The following LINC02747 variants were observed in gnomAD, a reference collection of about 807,000 sequenced individuals.
LINC02747 encodes CCND1-upstream intergenic DNA repair 2.
At chr11:69,480,733 G>A (rs763004860) in intron 1 of LINC02747, among the ~76,000 whole-genome samples, 4 of 152,216 alleles carry the variant, frequency 2.6e-5, no homozygotes, top group South Asian at 2.1e-4. Context: ...GCACTGAGCC[G>A]GCACTGGGCG....
rs188379930 is a variant in LINC02747, at chr11:69,478,268, C to T, written n.121-655G>A. On this transcript the variant is annotated intron_variant and non_coding_transcript_variant, in intron 1 of 1. Transcript: ENST00000645449. ...ACAGGAGTAGGGAACAGCCCAACAA[C>T]GGAGTGGAGGCTGGAAAGTTGCTGC... is the stretch of plus-strand genomic sequence containing the variant. Among the ~76,000 whole-genome samples, 536 of 152,262 alleles carry T rather than the reference C, an allele frequency of 3.5e-3. 5 individuals are homozygous for T. Among genetic ancestry groups the T allele is most frequent in the African/African-American group, 0.012 (482 of 41,546 alleles).
At chr11:69,479,209 C>A (rs557765309) in intron 1 of LINC02747, among the ~76,000 whole-genome samples, 2 of 136,944 alleles carry the variant, frequency 1.5e-5, no homozygotes, top group Non-Finnish European at 3.0e-5. Flanking sequence ...GAGCCAAGAT[C>A]GCGCCACTGC....
chr11:69,480,928 C>T (rs1262282060), intron 1 of LINC02747, among the ~76,000 whole-genome samples: 1 of 152,168 alleles, frequency 6.6e-6, no homozygotes, highest in Non-Finnish European at 1.5e-5. Flanking sequence ...CCAAGGAACC[C>T]TTGGATCACC....
chr11:69,477,439 A>C (rs933149743), exon 2 of LINC02747: 1 of 152,310 alleles, frequency 6.6e-6, no homozygotes, highest in Non-Finnish European at 1.5e-5. Context: ...GCTTGTTCAC[A>C]TGCTCACCAC....
exon 2 of LINC02747, chr11:69,476,114 G>A (rs1292397914): frequency 3.0e-5 from 4 of 134,140 alleles, no homozygotes; most frequent in Non-Finnish European, 4.4e-5. Flanking sequence ...ATGGGGATCG[G>A]GGCCTGGGAA....
chr11:69,477,292 A>AC (rs1233759290), exon 2 of LINC02747: 1 of 152,228 alleles, frequency 6.6e-6, no homozygotes, highest in Non-Finnish European at 1.5e-5. Context: ...TGGCCCAGAT[A>AC]CATCGCATGC....
chr11:69,477,638 G>C (rs533777033), intron 1 of LINC02747: 1 of 152,162 alleles, frequency 6.6e-6, no homozygotes, highest in Non-Finnish European at 1.5e-5. Context: ...AGAGGTCAAG[G>C]TTGAAGGGAT....
intron 1 of LINC02747, among the ~76,000 whole-genome samples, chr11:69,478,969 T>C (rs12279876): frequency 0.039 from 5,757 of 149,306 alleles, 395 homozygotes; most frequent in East Asian, 0.27. Context: ...AAAAAACAAG[T>C]GTGGGCCAGG....
intron 1 of LINC02747, among the ~76,000 whole-genome samples, chr11:69,479,276 A>AAG (rs1322668958): frequency 7.8e-4 from 115 of 147,278 alleles, no homozygotes; most frequent in African/African-American, 2.0e-3. Context: ...AAAAAAAAAA[A>AAG]AGAGAGAGAG....
chr11:69,478,064 G>A lies in LINC02747; in HGVS notation n.121-451C>T, dbSNP rs909645534. ...CAAAATGGGTGCAAGTTCTTTCTCC[G>A]TGGGTCCGAGAGGGGCTGCTAACAA... is the stretch of plus-strand genomic sequence containing the variant. On this transcript the variant is annotated intron_variant and non_coding_transcript_variant, in intron 1 of 1. Transcript: ENST00000645449. 8.5e-5 allele frequency among the ~76,000 whole-genome samples: 13 copies of A among 152,152 alleles called. 1 individual carries two copies. Among genetic ancestry groups the A allele is most frequent in the African/African-American group, 3.1e-4 (13 of 41,432 alleles).
At chr11:69,476,070 C>T (rs1009797798) in exon 2 of LINC02747, 3 of 152,168 alleles carry the variant, frequency 2.0e-5, no homozygotes, top group Non-Finnish European at 4.4e-5. Context: ...CTTCGCCCAC[C>T]CCTTGACCTC....
At chr11:69,477,304 C>G (rs1398198230) in exon 2 of LINC02747, 1 of 152,264 alleles carries the variant, frequency 6.6e-6, no homozygotes, top group Non-Finnish European at 1.5e-5. Flanking sequence ...ATCGCATGCA[C>G]ACGTCACCGT....
intron 1 of LINC02747, among the ~76,000 whole-genome samples, chr11:69,480,772 A>G (rs1397155760): frequency 6.6e-6 from 1 of 152,230 alleles, no homozygotes; most frequent in Non-Finnish European, 1.5e-5. Context: ...GAATGCCGGC[A>G]GGGTCCCTGC....
At chr11:69,476,158 G>C (rs573818816) in exon 2 of LINC02747, 5 of 152,106 alleles carry the variant, frequency 3.3e-5, no homozygotes, top group African/African-American at 1.2e-4. Flanking sequence ...GTGGCCCTTT[G>C]TCATGTATCT....
At chr11:69,476,089 C>T (rs1856990563) in exon 2 of LINC02747, 1 of 151,784 alleles carries the variant, frequency 6.6e-6, no homozygotes, top group Admixed American at 6.5e-5. Flanking sequence ...TCGAATGGGC[C>T]TCCTGACCCA....
At chr11:69,480,033 C>T (rs926962088) in intron 1 of LINC02747, 2 of 152,282 alleles carry the variant, frequency 1.3e-5, no homozygotes, top group Admixed American at 6.5e-5. Flanking sequence ...AACTCATCAG[C>T]CCCCTTTGGG....
intron 1 of LINC02747, among the ~76,000 whole-genome samples, chr11:69,480,919 C>T (rs779365855): frequency 6.6e-6 from 1 of 152,158 alleles, no homozygotes; most frequent in Non-Finnish European, 1.5e-5. Context: ...TCAGGATTCC[C>T]AAGGAACCCT....
chr11:69,480,463 G>C (rs1857038705), intron 1 of LINC02747, among the ~76,000 whole-genome samples: 1 of 152,186 alleles, frequency 6.6e-6, no homozygotes, highest in Admixed American at 6.5e-5. Flanking sequence ...AAAAAAAATT[G>C]CTCAGACAGG....
At chr11:69,479,350 A>G (rs2134962405) in intron 1 of LINC02747, among the ~76,000 whole-genome samples, 1 of 152,232 alleles carries the variant, frequency 6.6e-6, no homozygotes, top group Non-Finnish European at 1.5e-5. Flanking sequence ...AACATAAAAA[A>G]GACCAGAAGG....
Sources: gnomAD v4.1 joint callset for allele counts (sites outside exome capture counted in the v4.1 genomes callset) on GRCh38, gnomAD v4.1.1 for gene constraint, MANE v1.5 for transcripts, NCBI Gene and HGNC (gene_info 2026-07-23, HGNC 2026-07-21) for gene names.